Variants in NKAIN2 observed in about 807,000 individuals in gnomAD.
NKAIN2 encodes sodium/potassium-transporting ATPase subunit beta-1-interacting protein 2.
NKAIN2 carries 14 observed loss-of-function variants against 32.6 expected under a neutral mutation model. The ratio of observed to expected loss-of-function variants is 0.43; its 90% CI spans 0.28 to 0.67. NKAIN2 has a LOEUF of 0.67. Ranked by LOEUF, NKAIN2 falls within the 30% of genes least tolerant of loss-of-function variation. The probability of loss-of-function intolerance (pLI) is 0.17; values close to 1 mark genes in which losing one functional copy is unlikely to be tolerated. For missense variants in NKAIN2, 198 were observed against 258.3 expected (o/e 0.77, Z 1.60); for synonymous variants, 80 against 87.2 (o/e 0.92, Z 0.46).
intron 1 of NKAIN2, among the ~76,000 whole-genome samples, chr6:124,189,139 A>C (rs2114579331): frequency 6.6e-6 from 1 of 152,318 alleles, no homozygotes; most frequent in African/African-American, 2.4e-5. Context: ...GAAGGAAAAA[A>C]AACGTATTTC....
intron 3 of NKAIN2, among the ~76,000 whole-genome samples, chr6:124,656,015 C>T (rs776312451): frequency 6.6e-6 from 1 of 152,084 alleles, no homozygotes; most frequent in Non-Finnish European, 1.5e-5. Flanking sequence ...ATGGCTTAGT[C>T]TCTTGTTGGT....
chr6:124,381,349 C>T (rs1432027277), intron 3 of NKAIN2, among the ~76,000 whole-genome samples: 1 of 152,034 alleles, frequency 6.6e-6, no homozygotes. Context: ...ATAGCTATCA[C>T]AGAAGTAAAT....
intron 1 of NKAIN2, among the ~76,000 whole-genome samples, chr6:124,149,450 A>G (rs1308346261): frequency 1.3e-5 from 2 of 152,140 alleles, no homozygotes; most frequent in African/African-American, 4.8e-5. Flanking sequence ...TTTTGAGTTA[A>G]TGTTTTGTTT....
chr6:124,779,990 C>T (rs574363313), intron 4 of NKAIN2, among the ~76,000 whole-genome samples: 17 of 152,242 alleles, frequency 1.1e-4, no homozygotes, highest in South Asian at 8.3e-4. Context: ...ACTGATAGAA[C>T]GCCAGTTGAA....
intron 5 of NKAIN2, among the ~76,000 whole-genome samples, chr6:124,806,095 T>C (rs1780539247): frequency 1.3e-5 from 2 of 152,146 alleles, no homozygotes; most frequent in East Asian, 3.9e-4. Context: ...ACTTCTCCAA[T>C]CTAGCAAGGC....
intron 1 of NKAIN2, among the ~76,000 whole-genome samples, chr6:123,958,224 A>G (rs1010841287): frequency 6.6e-6 from 1 of 151,352 alleles, no homozygotes; most frequent in African/African-American, 2.5e-5. Context: ...GGAAACTGAA[A>G]GAGAATTTTT....
chr6:124,291,853 T>C (rs1304357401), intron 2 of NKAIN2, among the ~76,000 whole-genome samples: 2 of 152,112 alleles, frequency 1.3e-5, no homozygotes, highest in African/African-American at 4.8e-5. Flanking sequence ...AGTTTTATAT[T>C]TTCTGTGAGT....
intron 3 of NKAIN2, among the ~76,000 whole-genome samples, chr6:124,387,545 C>T (rs1772958881): frequency 6.6e-6 from 1 of 151,998 alleles, no homozygotes; most frequent in African/African-American, 2.4e-5. Flanking sequence ...CTTGAAATGA[C>T]AAAATGATCC....
In NKAIN2 at chr6:123,982,137, T is replaced by C. The variant is rs564671562; in HGVS notation, c.54+177883T>C. Among the ~76,000 whole-genome samples the C allele has an allele frequency of 7.3e-5, 11 of 151,446 alleles. No homozygotes were observed. In the South Asian group the frequency reaches 2.3e-3, roughly 32 times the overall value. On this transcript the variant is annotated intron_variant, in intron 1 of 6. Coordinates refer to ENST00000368417, the MANE Select transcript of NKAIN2 (RefSeq NM_001040214.3). ...ACCAAGAAGCCTGATATTTGTAGAG[T>C]TGTTGTTGTTGACTCTGATCTGGAT...
chr6:124,759,631 ACACACACACACACACACACACACAC>A (rs1778145887), intron 4 of NKAIN2, among the ~76,000 whole-genome samples: 1 of 115,900 alleles, frequency 8.6e-6, no homozygotes, highest in South Asian at 2.9e-4. Context: ...ACACACACAC[ACACACACACACACACACACACACAC>A]CCCCTATCTC....
At chr6:124,314,553 C>G (rs1338461940) in intron 2 of NKAIN2, among the ~76,000 whole-genome samples, 1 of 152,136 alleles carries the variant, frequency 6.6e-6, no homozygotes, top group Non-Finnish European at 1.5e-5. Context: ...AGCCTGGGCT[C>G]CTCCTACAAA....
intron 4 of NKAIN2, among the ~76,000 whole-genome samples, chr6:124,769,526 G>A (rs1778658345): frequency 6.6e-6 from 1 of 151,962 alleles, no homozygotes; most frequent in South Asian, 2.1e-4. Flanking sequence ...TCTGTAGAGT[G>A]GAAATATCAA....
intron 2 of NKAIN2, among the ~76,000 whole-genome samples, chr6:124,348,321 G>A (rs1798540842): frequency 6.6e-6 from 1 of 152,186 alleles, no homozygotes; most frequent in South Asian, 2.1e-4. Context: ...CCCGTTCTCA[G>A]ATCTCCAGCT....
chr6:124,225,793 GATGCACAA>G (rs1792076537), intron 1 of NKAIN2, among the ~76,000 whole-genome samples: 1 of 151,876 alleles, frequency 6.6e-6, no homozygotes, highest in African/African-American at 2.4e-5. Context: ...TTTTTGTCCA[GATGCACAA>G]ATACCTCTGA....
chr6:124,708,168 T>A (rs1256684572), intron 4 of NKAIN2, among the ~76,000 whole-genome samples: 1 of 145,296 alleles, frequency 6.9e-6, no homozygotes, highest in Admixed American at 6.9e-5. Flanking sequence ...GCGGCATTAT[T>A]TCTGAGGGCT....
At chr6:124,409,130 C>T (rs995324158) in intron 3 of NKAIN2, among the ~76,000 whole-genome samples, 1 of 152,162 alleles carries the variant, frequency 6.6e-6, no homozygotes, top group Admixed American at 6.6e-5. Context: ...ACAATGATGT[C>T]GTCTGCGAAC....
At chr6:123,899,666 C>T (rs372486724) in intron 1 of NKAIN2, among the ~76,000 whole-genome samples, 91 of 152,248 alleles carry the variant, frequency 6.0e-4, no homozygotes, top group Admixed American at 1.0e-3. Context: ...GTAAGCAGCC[C>T]CTTCTGAAAT....
chr6:124,562,743 C>T (rs910121168), intron 3 of NKAIN2, among the ~76,000 whole-genome samples: 2 of 152,068 alleles, frequency 1.3e-5, no homozygotes, highest in Non-Finnish European at 2.9e-5. Flanking sequence ...TTACCTTTTG[C>T]AAGTCTCCTT....
intron 1 of NKAIN2, among the ~76,000 whole-genome samples, chr6:124,045,618 C>T (rs2114820234): frequency 6.6e-6 from 1 of 152,092 alleles, no homozygotes; most frequent in Middle Eastern, 3.4e-3. Flanking sequence ...CAAACAAGGT[C>T]TGTAGCCTAG....
Sources: allele counts gnomAD v4.1 joint callset (sites outside exome capture counted in the v4.1 genomes callset), GRCh38; gene constraint gnomAD v4.1.1; transcripts MANE v1.5; gene names NCBI Gene and HGNC (gene_info 2026-07-23, HGNC 2026-07-21).